ATP11C: variants seen among roughly 807,000 people sequenced by gnomAD.
The protein encoded by ATP11C is phospholipid-transporting ATPase IG.
ATP11C carries 36 observed loss-of-function variants against 97.4 expected under a neutral mutation model. The observed-to-expected ratio is 0.37, with a 90% CI of 0.28 to 0.49. ATP11C has a LOEUF of 0.49. Among genes scored for constraint, ATP11C ranks in the 20% least tolerant of loss-of-function variants. The pLI, the probability that ATP11C is intolerant of heterozygous loss-of-function variation, is 0.98. For missense variants in ATP11C, 730 were observed against 824.6 expected (o/e 0.89, Z 1.40); for synonymous variants, 275 against 290.9 (o/e 0.95, Z 0.56).
chrX:139,799,746 G>A (rs1159518064), intron 8 of ATP11C, among the ~76,000 whole-genome samples: 3 of 99,079 alleles, frequency 3.0e-5, no homozygotes, highest in Non-Finnish European at 4.0e-5. Context: ...TTCGCCTCCC[G>A]GGTTCAAGAG....
At position 139,851,212 on chromosome X, in the gene ATP11C, C is replaced by T. The variant is rs1484854256; in HGVS notation, c.28-24389G>A. 1.5e-4 allele frequency among the ~76,000 whole-genome samples: 17 copies of T among 111,843 alleles called. 1 individual carries two copies. Among genetic ancestry groups the T allele is most frequent in the Non-Finnish European group, 3.8e-5 (2 of 53,100 alleles). On this transcript the variant is annotated intron_variant, in intron 1 of 29. Transcript: ENST00000682941. Reference sequence around the variant, plus strand: ...ACAGGCTATCTGCCCAGAGTCTCTCCTCCCTGCATTCCAGCCCAGCACTCC... The same window carrying T: ...ACAGGCTATCTGCCCAGAGTCTCTCTTCCCTGCATTCCAGCCCAGCACTCC...
chrX:139,851,402 G>T (rs924465003), intron 1 of ATP11C, among the ~76,000 whole-genome samples: 1 of 112,474 alleles, frequency 8.9e-6, no homozygotes, highest in East Asian at 2.8e-4. Flanking sequence ...GATTTCAAAG[G>T]ATGTCACAGA....
chrX:139,805,215 G>C (rs758315350), intron 5 of ATP11C, among the ~76,000 whole-genome samples: 218 of 111,451 alleles, frequency 2.0e-3, no homozygotes, highest in Non-Finnish European at 3.5e-3. Context: ...TTATCAGCAA[G>C]TACCCAAAGC....
intron 1 of ATP11C, among the ~76,000 whole-genome samples, chrX:139,913,571 G>C (rs763188873): frequency 8.6e-4 from 96 of 111,405 alleles, no homozygotes; most frequent in Non-Finnish European, 1.3e-3. Context: ...TGCCTTAACT[G>C]ATGACATTAC....
Position 139,757,789 on chromosome X carries a change from A to G in ATP11C, c.2700+19T>C. ...AGCAAATGTAAACTATATTATAACG[A>G]ATAACTTGAGAAACAAACCTGTTGT... On this transcript the variant is annotated intron_variant, in intron 23 of 29. Transcript: ENST00000682941. 1 of 1,129,522 alleles carries G rather than the reference A, an allele frequency of 8.9e-7. No individual in the cohort carries two copies. The highest frequency in any genetic ancestry group is 1.2e-6 in the Non-Finnish European group (1 of 836,173). 93.1% of individuals were successfully genotyped at this position (1,129,522 alleles called of 1,213,427 possible).
At chrX:139,738,143 T>G in intron 27 of ATP11C, 74 bp from the exon 28 acceptor site, 7 of 891,496 alleles carry the variant, frequency 7.9e-6, no homozygotes, top group Non-Finnish European at 1.1e-5. Context: ...TTAATTAAAA[T>G]GTCGTTTGTA....
At chrX:139,856,631 C>G (rs985234817) in intron 1 of ATP11C, among the ~76,000 whole-genome samples, 1 of 112,244 alleles carries the variant, frequency 8.9e-6, no homozygotes, top group Non-Finnish European at 1.9e-5. Flanking sequence ...TTGACTCTCA[C>G]GTCTATTTAG....
At chrX:139,844,425 T>C (rs1023589695) in intron 1 of ATP11C, among the ~76,000 whole-genome samples, 2 of 111,309 alleles carry the variant, frequency 1.8e-5, no homozygotes, top group South Asian at 7.6e-4. Context: ...CTGCAATACC[T>C]GCAATGCAGG....
At chrX:139,803,413 C>G (rs143609228) in intron 6 of ATP11C, among the ~76,000 whole-genome samples, 1 of 110,792 alleles carries the variant, frequency 9.0e-6, no homozygotes, top group Non-Finnish European at 1.9e-5. Context: ...ACAGAGGAGC[C>G]CTCCAAGGAC....
chrX:139,936,564 T>A (rs2085515775), upstream of ATP11C, among the ~76,000 whole-genome samples: 1 of 111,887 alleles, frequency 8.9e-6, no homozygotes, highest in African/African-American at 3.3e-5. Context: ...CTTGTTTCTG[T>A]CCTTATTACC....
intron 25 of ATP11C, 101 bp downstream of exon 25, chrX:139,745,621 A>G: frequency 1.1e-6 from 1 of 897,017 alleles, no homozygotes; most frequent in Non-Finnish European, 1.5e-6. Flanking sequence ...AGTTTGTAAA[A>G]TGATTACAGC....
At chrX:139,879,997 T>A (rs1249264762) in intron 1 of ATP11C, among the ~76,000 whole-genome samples, 1 of 111,216 alleles carries the variant, frequency 9.0e-6, no homozygotes, top group Non-Finnish European at 1.9e-5. Flanking sequence ...TGCCTTGTAA[T>A]ATTGTATTAA....
At chrX:139,745,636 G>A (rs58343581) in intron 25 of ATP11C, 86 bp downstream of exon 25, 1 of 988,921 alleles carries the variant, frequency 1.0e-6, no homozygotes, top group African/African-American at 1.9e-5. Flanking sequence ...TACAGCTAGA[G>A]TATGTATATG....
chrX:139,750,341 A>G (rs1421439209), intron 23 of ATP11C, among the ~76,000 whole-genome samples, 189 bp from the exon 24 acceptor site: 1 of 112,117 alleles, frequency 8.9e-6, no homozygotes, highest in Non-Finnish European at 1.9e-5. Context: ...ACATATTGTG[A>G]TGTGTCACAT....
chrX:139,817,687 G>C (rs1051735737), intron 3 of ATP11C, among the ~76,000 whole-genome samples: 5 of 112,320 alleles, frequency 4.5e-5, no homozygotes, highest in Non-Finnish European at 7.5e-5. Flanking sequence ...CTATTTAGGA[G>C]GCTATTGCTG....
intron 1 of ATP11C, among the ~76,000 whole-genome samples, chrX:139,859,395 AC>A (rs1468664305): frequency 8.9e-6 from 1 of 112,164 alleles, no homozygotes; most frequent in African/African-American, 3.2e-5. Context: ...TATGCTAATC[AC>A]CCTGATTTGA....
In ATP11C at chrX:139,728,786, G is replaced by T; in HGVS notation, c.*180C>A. The T allele has an allele frequency of 2.0e-6, 1 of 502,830 alleles. No homozygotes were observed. The highest frequency in any genetic ancestry group is 3.3e-6 in the Non-Finnish European group (1 of 305,556). 41.4% of individuals were successfully genotyped at this position (502,830 alleles called of 1,213,427 possible). A position where few individuals can be genotyped will look rare whatever the true frequency, so the allele number is the denominator to read the frequency against. On this transcript the variant is annotated 3_prime_UTR_variant, in exon 30 of 30. Coordinates refer to ENST00000682941, the MANE Select transcript of ATP11C (RefSeq NM_001353812.2). Reference sequence around the variant, plus strand: ...TGGTAAATGCTTAAGAGAATCATTTGGTATTTTAATGAACATTTATTGTGA... The same window carrying T: ...TGGTAAATGCTTAAGAGAATCATTTTGTATTTTAATGAACATTTATTGTGA...
intron 28 of ATP11C, among the ~76,000 whole-genome samples, chrX:139,736,089 C>A (rs1297133585): frequency 9.0e-6 from 1 of 111,620 alleles, no homozygotes; most frequent in Non-Finnish European, 1.9e-5. Flanking sequence ...ATGCTAAACC[C>A]CTGGCAACAG....
chrX:139,764,735 T>A (rs2082102071), intron 20 of ATP11C, among the ~76,000 whole-genome samples: 1 of 112,195 alleles, frequency 8.9e-6, no homozygotes, highest in African/African-American at 3.2e-5. Flanking sequence ...GTTTTAGTTG[T>A]ATTAAATAGT....
Sources: allele counts gnomAD v4.1 joint callset (sites outside exome capture counted in the v4.1 genomes callset), GRCh38; gene constraint gnomAD v4.1.1; transcripts MANE v1.5; gene names NCBI Gene and HGNC (gene_info 2026-07-23, HGNC 2026-07-21).